RAPGEF5: variants seen among roughly 807,000 people sequenced by gnomAD.
RAPGEF5 encodes the protein Rap guanine nucleotide exchange factor 5.
In RAPGEF5, 65 loss-of-function variants were observed where a neutral mutation model predicts 125.2. That is an observed-to-expected ratio of 0.52 (90% CI 0.43 to 0.64). The LOEUF is 0.64. Ranked by LOEUF, RAPGEF5 falls within the 30% of genes least tolerant of loss-of-function variation. RAPGEF5 has a pLI of 0.00. For missense variants in RAPGEF5, 958 were observed against 1,048.1 expected, an observed-to-expected ratio of 0.91 and a Z score of 1.19; for synonymous variants, 391 against 385.9, an observed-to-expected ratio of 1.01 and a Z score of -0.16.
chr7:22,288,390 C>T (rs905764187), intron 6 of RAPGEF5, among the ~76,000 whole-genome samples: 1 of 152,202 alleles, frequency 6.6e-6, no homozygotes, highest in African/African-American at 2.4e-5. Context: ...AAATCACCTA[C>T]CTTACTGCAT....
intron 9 of RAPGEF5, among the ~76,000 whole-genome samples, chr7:22,214,555 T>C (rs888983360): frequency 2.0e-5 from 3 of 152,202 alleles, no homozygotes; most frequent in South Asian, 4.1e-4. Context: ...TTCCTGGAAA[T>C]AGGACCCACA....
At chr7:22,134,131 A>G (rs1202708031) in intron 23 of RAPGEF5, among the ~76,000 whole-genome samples, 1 of 152,252 alleles carries the variant, frequency 6.6e-6, no homozygotes, top group Non-Finnish European at 1.5e-5. Flanking sequence ...GTGATTAAAA[A>G]AGCCTAAGAA....
intron 11 of RAPGEF5, among the ~76,000 whole-genome samples, chr7:22,167,669 T>C (rs1784213981): frequency 6.6e-6 from 1 of 152,200 alleles, no homozygotes; most frequent in South Asian, 2.1e-4. Context: ...CTTAAATGCA[T>C]CTTTAAGAAG....
chr7:22,131,064 CA>C lies in RAPGEF5; in HGVS notation c.2453del (p.Leu818TrpfsTer12). ...TFIHEGNKTF[L>X]DNLVNFEKLH... is the part of the protein sequence containing the mutation. Reference sequence around the variant, plus strand: ...GCTTTTCAAAATTGACAAGATTATCCAAAAAAGTTTTATTTCCTTCATGAAT... The same window carrying C: ...GCTTTTCAAAATTGACAAGATTATCCAAAAAGTTTTATTTCCTTCATGAAT... On this transcript the variant is annotated frameshift_variant, in exon 24 of 26. Coordinates refer to ENST00000665637, the MANE Select transcript of RAPGEF5 (RefSeq NM_012294.5). LOFTEE classifies it high-confidence loss of function. 6.5e-7 allele frequency: 1 copy of C among 1,533,992 alleles called. No individual in the cohort carries two copies. The highest frequency in any genetic ancestry group is 1.3e-5 in the South Asian group (1 of 79,644).
chr7:22,156,289 A>G (rs1783805159), intron 16 of RAPGEF5, among the ~76,000 whole-genome samples: 1 of 152,230 alleles, frequency 6.6e-6, no homozygotes. Context: ...TTTCACGCAA[A>G]TAAGCAGTGA....
At chr7:22,201,939 C>T (rs1412291772) in intron 9 of RAPGEF5, among the ~76,000 whole-genome samples, 1 of 151,994 alleles carries the variant, frequency 6.6e-6, no homozygotes, top group East Asian at 1.9e-4. Context: ...GGTTTTACAT[C>T]CAGAACAATG....
intron 9 of RAPGEF5, among the ~76,000 whole-genome samples, chr7:22,205,917 T>C (rs1471385241): frequency 6.6e-6 from 1 of 152,234 alleles, no homozygotes; most frequent in African/African-American, 2.4e-5. Context: ...TTTTAGAAGT[T>C]CTATCCACTG....
intron 1 of RAPGEF5, among the ~76,000 whole-genome samples, chr7:22,327,731 G>C (rs1783841460): frequency 6.6e-6 from 1 of 152,124 alleles, no homozygotes; most frequent in Non-Finnish European, 1.5e-5. Flanking sequence ...TACTTTTAAG[G>C]TTGTTGTAAA....
At chr7:22,258,484 G>A (rs1259649634) in intron 7 of RAPGEF5, among the ~76,000 whole-genome samples, 2 of 152,004 alleles carry the variant, frequency 1.3e-5, no homozygotes, top group Non-Finnish European at 2.9e-5. Context: ...GCTGGGCATG[G>A]TGGCACCTGC....
At chr7:22,316,363 A>ATAGATAGG (rs931119488) in intron 2 of RAPGEF5, among the ~76,000 whole-genome samples, 1 of 148,954 alleles carries the variant, frequency 6.7e-6, no homozygotes, top group African/African-American at 2.5e-5. Flanking sequence ...AGATAGATAG[A>ATAGATAGG]TAGATAGATA....
intron 7 of RAPGEF5, among the ~76,000 whole-genome samples, chr7:22,233,502 G>A (rs1786111143): frequency 6.6e-6 from 1 of 152,154 alleles, no homozygotes; most frequent in South Asian, 2.1e-4. Flanking sequence ...CATAGAACAT[G>A]CAGGACACTA....
Position 22,193,366 on chromosome 7 carries a change from C to T in RAPGEF5, c.1204+1G>A. The T allele has an allele frequency of 6.3e-7, 1 of 1,581,864 alleles. No individual in the cohort carries two copies. Among genetic ancestry groups the T allele is most frequent in the Non-Finnish European group, 8.6e-7 (1 of 1,162,742 alleles). ...GAAGCATGAGCTACTCAGAGCCTTA[C>T]CTGTTTCTTTGTCCTGGACTTCTTC... On this transcript the variant is annotated splice_donor_variant, in intron 11 of 25. Coordinates refer to ENST00000665637, the MANE Select transcript of RAPGEF5 (RefSeq NM_012294.5). LOFTEE classifies it high-confidence loss of function.
At chr7:22,168,310 C>A (rs1784237004) in intron 11 of RAPGEF5, among the ~76,000 whole-genome samples, 1 of 152,190 alleles carries the variant, frequency 6.6e-6, no homozygotes, top group Non-Finnish European at 1.5e-5. Flanking sequence ...CTCTACCATA[C>A]AAGTATCGAG....
intron 17 of RAPGEF5, among the ~76,000 whole-genome samples, chr7:22,152,533 G>A (rs577768943): frequency 6.6e-6 from 1 of 152,114 alleles, no homozygotes; most frequent in East Asian, 1.9e-4. Context: ...TGAATAACTG[G>A]GTAGTTTATT....
intron 9 of RAPGEF5, among the ~76,000 whole-genome samples, chr7:22,212,052 C>T (rs576129650): frequency 2.6e-5 from 4 of 151,080 alleles, no homozygotes; most frequent in African/African-American, 7.3e-5. Flanking sequence ...CCACAAGCAC[C>T]GCCTCCCGGA....
In RAPGEF5 at chr7:22,286,107, C is replaced by T. The variant is rs1050565370; in HGVS notation, c.747+5068G>A. ...TTTAATTTATCTCTTAAGAGAGAGA[C>T]ATCAGTAGCGCAATGGATAACGCGT... On this transcript the variant is annotated intron_variant, in intron 6 of 25. Coordinates refer to ENST00000665637, the MANE Select transcript of RAPGEF5 (RefSeq NM_012294.5). Among the ~76,000 whole-genome samples, 3 of 152,160 alleles carry T rather than the reference C, an allele frequency of 2.0e-5. No individual in the cohort carries two copies. In the East Asian group the frequency reaches 5.8e-4, roughly 29 times the overall value.
intron 1 of RAPGEF5, among the ~76,000 whole-genome samples, chr7:22,334,317 C>T (rs1408794997): frequency 6.6e-6 from 1 of 152,152 alleles, no homozygotes; most frequent in African/African-American, 2.4e-5. Context: ...ATTAATAACA[C>T]ACACACACAA....
chr7:22,356,345 C>A, intron 1 of RAPGEF5: 2 of 815,374 alleles, frequency 2.5e-6, no homozygotes, highest in Non-Finnish European at 3.0e-6. Context: ...CCTGGGTCTG[C>A]CCCTCGGCGG....
intron 1 of RAPGEF5, among the ~76,000 whole-genome samples, chr7:22,354,517 T>C (rs1276558367): frequency 6.6e-6 from 1 of 152,192 alleles, no homozygotes; most frequent in Non-Finnish European, 1.5e-5. Flanking sequence ...TACTTGTATC[T>C]CTCTTTCTTT....
Sources: allele counts gnomAD v4.1 joint callset (sites outside exome capture counted in the v4.1 genomes callset), GRCh38; gene constraint gnomAD v4.1.1; transcripts MANE v1.5; gene names NCBI Gene and HGNC (gene_info 2026-07-23, HGNC 2026-07-21).